The following PER1 variants were observed in gnomAD, a reference collection of about 807,000 sequenced individuals.
The protein encoded by PER1 is period circadian protein homolog 1.
A neutral mutation model predicts 125.9 loss-of-function variants in PER1; 87 were observed. The ratio of observed to expected loss-of-function variants is 0.69; its 90% CI spans 0.58 to 0.83. The LOEUF (loss-of-function observed/expected upper bound fraction) is 0.83, where lower values mean the gene tolerates loss of function less well. Among genes scored for constraint, PER1 ranks in the 40% least tolerant of loss-of-function variants. The pLI, the probability that PER1 is intolerant of heterozygous loss-of-function variation, is 0.00. For synonymous variants in PER1, 801 were observed against 714.7 expected (o/e 1.12, Z -1.93); for missense variants, 1,775 against 1,722.8 (o/e 1.03, Z -0.54).
intron 1 of PER1, 101 bp from the exon 2 acceptor site, chr17:8,150,946 G>T: frequency 2.0e-6 from 1 of 495,678 alleles, no homozygotes; most frequent in South Asian, 3.7e-5. Flanking sequence ...GCCTCCTGCA[G>T]GACTGATGGG....
chr17:8,141,939 G>C lies in PER1; in HGVS notation c.3466C>G (p.Leu1156Val). 3 of 1,613,982 alleles carry C rather than the reference G, an allele frequency of 1.9e-6. No individual in the cohort carries two copies. Among genetic ancestry groups the C allele is most frequent in the Non-Finnish European group, 2.5e-6 (3 of 1,180,028 alleles). The change falls in exon 22 of 23, where the codon CTG becomes GTG. Residue 1156 changes from leucine to valine, a missense_variant. By Grantham distance (32) the Leu-to-Val change is conservative. Coordinates refer to ENST00000317276, the MANE Select transcript of PER1 (RefSeq NM_002616.3). ...CGGAGCCGCTCCCGATCCTGCTTCA[G>C]CACAGAGGTCATGTCCCTGCCCAAG... Reference protein sequence around the residue: ...QVPSRDMTSVLKQDRERLRAM... With the variant: ...QVPSRDMTSVVKQDRERLRAM...
In PER1 at chr17:8,142,846, G is replaced by A. The variant is rs1166727824; in HGVS notation, c.3073-11C>T. Reference sequence around the variant, plus strand: ...CTCAGTGACCTCCGCCTGGAGGAGGGGAGGGGGGCAAGGAGGGATGGAGGG... The same window carrying A: ...CTCAGTGACCTCCGCCTGGAGGAGGAGAGGGGGGCAAGGAGGGATGGAGGG... On this transcript the variant is annotated splice_polypyrimidine_tract_variant and intron_variant, in intron 19 of 22. Transcript: ENST00000317276. 1.3e-6 allele frequency: 2 copies of A among 1,581,722 alleles called. No individual in the cohort carries two copies. Among genetic ancestry groups the A allele is most frequent in the East Asian group, 4.6e-5 (2 of 43,572 alleles).
intron 13 of PER1, 28 bp from the exon 14 acceptor site, chr17:8,147,030 G>C: frequency 3.8e-6 from 6 of 1,577,706 alleles, no homozygotes; most frequent in Non-Finnish European, 5.2e-6. Context: ...ACAGTGAGCA[G>C]AACCAGGGGG....
chr17:8,143,294 G>T lies in PER1; in HGVS notation c.3044C>A (p.Ala1015Glu). The T allele has an allele frequency of 6.3e-7, 1 of 1,576,474 alleles. No homozygotes were observed. ...TCTGGCCTCTGGCTCAGCAGCCTCC[G>T]CACTGGGAGGTGGGGGCCCGGCACT... is the stretch of plus-strand genomic sequence containing the variant. The part of the protein sequence containing the change: ...GSSAGPPPPS[A>E]EAAEPEARLA... The change falls in exon 19 of 23, where the codon GCG becomes GAG. Residue 1015 changes from alanine (A) to glutamate (E), a missense_variant. Transcript: ENST00000317276.
Position 8,140,484 on chromosome 17 carries a change from T to A in PER1, c.*584A>T. 1 of 203,136 alleles carries A rather than the reference T, an allele frequency of 4.9e-6. No individual in the cohort carries two copies. The highest frequency in any genetic ancestry group is 1.0e-5 in the Non-Finnish European group (1 of 98,666). 12.6% of individuals were successfully genotyped at this position (203,136 alleles called of 1,614,324 possible). ...CCACAAAGTCCTGGGCGTTTTTATC[T>A]TTTTGTATTAAAAAAGTAGTAACAG... On this transcript the variant is annotated 3_prime_UTR_variant, in exon 23 of 23. Coordinates refer to ENST00000317276, the MANE Select transcript of PER1 (RefSeq NM_002616.3).
intron 18 of PER1, 121 bp downstream of exon 18, chr17:8,144,630 G>T: frequency 1.5e-6 from 2 of 1,337,032 alleles, no homozygotes; most frequent in Non-Finnish European, 2.1e-6. Flanking sequence ...GCAGGGCCTA[G>T]TGGTGGAAGC....
Position 8,150,606 on chromosome 17 carries a change from C to T in PER1, c.101G>A (p.Arg34Gln). The change falls in exon 2 of 23, where the codon CGG becomes CAG. Residue 34 changes from arginine to glutamine, a missense_variant. Coordinates refer to ENST00000317276, the MANE Select transcript of PER1 (RefSeq NM_002616.3). The part of the protein sequence containing the change: ...GVPSPGPPQH[R>Q]PCPGPSLADD... The stretch of plus-strand genomic sequence containing the variant: ...GGCCAGGCTGGGGCCTGGGCAAGGC[C>T]GGTGCTGTGGGGGCCCAGGGGATGG... 2 of 1,613,782 alleles carry T rather than the reference C, an allele frequency of 1.2e-6. No individual in the cohort carries two copies. Among genetic ancestry groups the T allele is most frequent in the Non-Finnish European group, 1.7e-6 (2 of 1,179,930 alleles).
At position 8,143,311 on chromosome 17, in the gene PER1, C is replaced by A. The variant is rs930022155; in HGVS notation, c.3027G>T (p.Gly1009=). 6.3e-7 allele frequency: 1 copy of A among 1,591,820 alleles called. No individual in the cohort carries two copies. ...AVAGGPGSSA[G]PPPPSAEAAE... ...CAGCCTCCGCACTGGGAGGTGGGGG[C>A]CCGGCACTGCTCCCAGGGCCTCCTG... Residue 1009 remains glycine, a synonymous_variant, in exon 19 of 23, where the codon GGG becomes GGT. Transcript: ENST00000317276.
rs1012945740 is a variant in PER1 at position 8,148,028 on chromosome 17, G to A, written c.1203C>T (p.Asp401=). The change falls in exon 10 of 23, where the codon GAC becomes GAT. Residue 401 remains aspartate, a synonymous_variant. Transcript: ENST00000317276. ...TGTGGATAGCCAGCATGAGGGGTCG[G>A]TCCTCAGGATGCAGGAACAGGAGCA... The part of the protein sequence containing the change: ...APVLLFLHPE[D]RPLMLAIHKK... The A allele has an allele frequency of 1.4e-5, 23 of 1,613,154 alleles. No homozygotes were observed. Among genetic ancestry groups the A allele is most frequent in the Non-Finnish European group, 2.5e-6 (3 of 1,179,640 alleles).
Position 8,147,657 on chromosome 17 carries a change from GGGCAT to G in PER1, c.1388+12_1388+16del. 1 of 1,613,882 alleles carries G rather than the reference GGGCAT, an allele frequency of 6.2e-7. No individual in the cohort carries two copies. The highest frequency in any genetic ancestry group is 8.5e-7 in the Non-Finnish European group (1 of 1,179,980). ...TGCCCTATCCCCAACGCCAGCTCGG[GGGCAT>G]GGCCCACTTACGTGCGTACTTTGTG... is the stretch of plus-strand genomic sequence containing the variant. On this transcript the variant is annotated intron_variant, in intron 11 of 22. Transcript: ENST00000317276.
Position 8,152,079 on chromosome 17 carries a change from GAGT to G in PER1, c.-140+255_-140+257del, listed in dbSNP as rs758165109. Among the ~76,000 whole-genome samples the G allele has an allele frequency of 9.5e-4, 144 of 152,348 alleles. 1 individual carries two copies. Among genetic ancestry groups the G allele is most frequent in the Middle Eastern group, 3.4e-3 (1 of 294 alleles). Reference sequence around the variant, plus strand: ...AAGAAGACCGGGGCATGCCCGCTGAGAGTCGGCTGTGGGGCCGGGAAAGCTGGG... The same window carrying G: ...AAGAAGACCGGGGCATGCCCGCTGAGCGGCTGTGGGGCCGGGAAAGCTGGG... On this transcript the variant is annotated intron_variant, in intron 1 of 22. Transcript: ENST00000317276.
In PER1 at chr17:8,148,800, G is replaced by A. The variant is rs1218707831; in HGVS notation, c.906-14C>T. On this transcript the variant is annotated splice_polypyrimidine_tract_variant and intron_variant, in intron 7 of 22. Coordinates refer to ENST00000317276, the MANE Select transcript of PER1 (RefSeq NM_002616.3). ...TCAGGACCTCCTCTAGCAAAGGAGA[G>A]AGGAGCATTAGGGACTTTCAACAGA... 6.2e-7 allele frequency: 1 copy of A among 1,613,022 alleles called. No individual in the cohort carries two copies.
chr17:8,148,499 G>A lies in PER1; in HGVS notation c.1048+145C>T, dbSNP rs376158767. On this transcript the variant is annotated intron_variant, in intron 8 of 22. Transcript: ENST00000317276. ...GCACCTTATTCAACTCTACCTCTAA[G>A]AGGAGCTCAAATCCTCATCTTTACA... 83 of 1,071,784 alleles carry A rather than the reference G, an allele frequency of 7.7e-5. No individual in the cohort carries two copies. The African/African-American group carries it at 1.2e-3, about 16-fold the overall frequency. 66.4% of individuals were successfully genotyped at this position (1,071,784 alleles called of 1,614,324 possible). A position where few individuals can be genotyped will look rare whatever the true frequency, so the allele number is the denominator to read the frequency against.
In PER1 at chr17:8,143,604, C is replaced by T. The variant is rs755569841; in HGVS notation, c.2734G>A (p.Ala912Thr). Reference sequence around the variant, plus strand: ...GCCACCATTGGGGTCACCAAAGGGGCGGGGAAAGCAGCTGGGGGCACAGAT... The same window carrying T: ...GCCACCATTGGGGTCACCAAAGGGGTGGGGAAAGCAGCTGGGGGCACAGAT... ...PTSVPPAAFP[A>T]PLVTPMVALV... is the part of the protein sequence containing the mutation. The change falls in exon 19 of 23, where the codon GCC becomes ACC. Residue 912 changes from alanine (A) to threonine (T), a missense_variant. Physicochemically the swap from Ala to Thr is moderately conservative, Grantham distance 58 (BLOSUM62 0). Transcript: ENST00000317276. 153 of 1,404,780 alleles carry T rather than the reference C, an allele frequency of 1.1e-4. No homozygotes were observed. The highest frequency in any genetic ancestry group is 1.3e-4 in the Non-Finnish European group (141 of 1,072,612). The allele number at this position is 1,404,780 out of a possible 1,614,324, so 87.0% of individuals were successfully genotyped here. A position where few individuals can be genotyped will look rare whatever the true frequency, so the allele number is the denominator to read the frequency against.
intron 21 of PER1, 40 bp downstream of exon 21, chr17:8,142,229 C>A (rs760541455): frequency 1.2e-5 from 18 of 1,509,464 alleles, no homozygotes; most frequent in Non-Finnish European, 1.6e-5. Flanking sequence ...CCACTACTAC[C>A]TCTGAAAGGA....
Position 8,143,575 on chromosome 17 carries a change from C to T in PER1, c.2763G>A (p.Leu921=). The change falls in exon 19 of 23, where the codon TTG becomes TTA. Residue 921 remains leucine (L), a synonymous_variant. Coordinates refer to ENST00000317276, the MANE Select transcript of PER1 (RefSeq NM_002616.3). ...PAPLVTPMVA[L]VLPNYLFPTP... ...TTGGGAACAGATAGTTAGGGAGCAC[C>T]AAGGCCACCATTGGGGTCACCAAAG... 4.8e-6 allele frequency: 7 copies of T among 1,464,714 alleles called. No homozygotes were observed. The highest frequency in any genetic ancestry group is 6.3e-6 in the Non-Finnish European group (7 of 1,102,702). 90.7% of individuals were successfully genotyped at this position (1,464,714 alleles called of 1,614,324 possible).
At chr17:8,148,287 G>C (rs375873388) in intron 8 of PER1, 28 bp from the exon 9 acceptor site, 1 of 1,590,120 alleles carries the variant, frequency 6.3e-7, no homozygotes, top group Middle Eastern at 1.7e-4. Flanking sequence ...TGGTCACTGG[G>C]TTTCGTCCAG....
chr17:8,148,715 CG>C lies in PER1; in HGVS notation c.976del (p.Arg326GlyfsTer14). The C allele has an allele frequency of 6.2e-7, 1 of 1,613,840 alleles. No individual in the cohort carries two copies. Among genetic ancestry groups the C allele is most frequent in the Non-Finnish European group, 8.5e-7 (1 of 1,179,898 alleles). Reference protein sequence around the residue: ...FRLTPYVTKIRVSDGAPAQPC... With the variant: ...FRLTPYVTKIXVSDGAPAQPC... ...CTGTGCAGGGGCCCCATCTGAGACC[CG>C]GATCTTGGTCACATACGGGGTTAGG... On this transcript the variant is annotated frameshift_variant, in exon 8 of 23. Coordinates refer to ENST00000317276, the MANE Select transcript of PER1 (RefSeq NM_002616.3). LOFTEE classifies it high-confidence loss of function.
chr17:8,146,196 G>C (rs928311736), intron 16 of PER1, 59 bp from the exon 17 acceptor site: 35 of 1,542,278 alleles, frequency 2.3e-5, no homozygotes, highest in Non-Finnish European at 2.8e-5. Flanking sequence ...TCAGGAGAGA[G>C]GATCCCAGGG....
Sources: gnomAD v4.1 joint callset for allele counts (sites outside exome capture counted in the v4.1 genomes callset) on GRCh38, gnomAD v4.1.1 for gene constraint, MANE v1.5 for transcripts, NCBI Gene and HGNC (gene_info 2026-07-23, HGNC 2026-07-21) for gene names.